Variants in WDR41 observed in about 807,000 individuals in gnomAD.
WDR41 encodes the protein WD repeat domain 41, also known as WD repeat-containing protein 41.
A neutral mutation model predicts 69.3 loss-of-function variants in WDR41; 63 were observed. The observed-to-expected ratio is 0.91, with a 90% CI of 0.74 to 1.12. The LOEUF is 1.12. Ranked by LOEUF, WDR41 falls within the 50% of genes most tolerant of loss-of-function variation. The pLI, the probability that WDR41 is intolerant of heterozygous loss-of-function variation, is 0.00. For synonymous variants in WDR41, 185 were observed against 192.1 expected (o/e 0.96, Z 0.31); for missense variants, 543 against 534.5 (o/e 1.02, Z -0.16).
In WDR41 at chr5:77,463,142, C is replaced by G. The variant is rs530025468; in HGVS notation, c.301G>C (p.Glu101Gln). 6.2e-7 allele frequency: 1 copy of G among 1,612,550 alleles called. No individual in the cohort carries two copies. The highest frequency in any genetic ancestry group is 1.3e-5 in the African/African-American group (1 of 74,932). ...GCTGTCAAGATGAGTTGATTTTTCT[C>G]TTCACAAGATTCCAAGGAAGGAAAT... ...ITFPSLESCE[E>Q]KNQLILTASA... Residue 101 changes from glutamate (E) to glutamine (Q), a missense_variant, in exon 4 of 13, where the codon GAG becomes CAG. Coordinates refer to ENST00000296679, the MANE Select transcript of WDR41 (RefSeq NM_018268.4).
At chr5:77,607,110 C>T (rs1440722758) in intron 1 of WDR41, among the ~76,000 whole-genome samples, 1 of 151,996 alleles carries the variant, frequency 6.6e-6, no homozygotes, top group South Asian at 2.1e-4. Flanking sequence ...GAGCAAAAAA[C>T]AATAAGGCTC....
At chr5:77,437,005 A>T (rs1401422072) in intron 11 of WDR41, among the ~76,000 whole-genome samples, 1 of 152,234 alleles carries the variant, frequency 6.6e-6, no homozygotes, top group African/African-American at 2.4e-5. Flanking sequence ...TTGACATCTG[A>T]CGGTACAAAT....
At chr5:77,480,670 G>A (rs1801189878) in intron 2 of WDR41, among the ~76,000 whole-genome samples, 1 of 145,392 alleles carries the variant, frequency 6.9e-6, no homozygotes, top group South Asian at 2.3e-4. Context: ...TCTGGGGACT[G>A]TTGTAGGGTG....
intron 1 of WDR41, among the ~76,000 whole-genome samples, chr5:77,512,940 A>C (rs1411930828): frequency 6.6e-6 from 1 of 152,180 alleles, no homozygotes; most frequent in Admixed American, 6.5e-5. Flanking sequence ...CTTTTCTCTT[A>C]GGAAGTCTTA....
intron 8 of WDR41, among the ~76,000 whole-genome samples, chr5:77,448,148 G>A (rs1462405132): frequency 6.6e-6 from 1 of 152,042 alleles, no homozygotes; most frequent in Non-Finnish European, 1.5e-5. Flanking sequence ...GTGCTTCACT[G>A]CTAAAACAAA....
chr5:77,599,494 C>G (rs555151432), intron 1 of WDR41, among the ~76,000 whole-genome samples: 2 of 152,208 alleles, frequency 1.3e-5, no homozygotes, highest in South Asian at 4.2e-4. Context: ...GTCACCACAC[C>G]CTGCCTGGAA....
At chr5:77,459,471 A>C (rs1799954851) in intron 4 of WDR41, among the ~76,000 whole-genome samples, 1 of 152,160 alleles carries the variant, frequency 6.6e-6, no homozygotes, top group Non-Finnish European at 1.5e-5. Flanking sequence ...AATAAGCATA[A>C]AGTACTTATA....
rs574591346 is a variant in WDR41 at position 77,434,566 on chromosome 5, G to A, written c.1228-1279C>T. 7.9e-5 allele frequency among the ~76,000 whole-genome samples: 12 copies of A among 152,142 alleles called. No individual in the cohort carries two copies. In the South Asian group the frequency reaches 1.2e-3, roughly 16 times the overall value. ...CTAAAAGTACAAAAATTAGCTGGGC[G>A]TGGTGGCGGGCACCTGTAATCCCAG... On this transcript the variant is annotated intron_variant, in intron 12 of 12. Coordinates refer to ENST00000296679, the MANE Select transcript of WDR41 (RefSeq NM_018268.4).
chr5:77,546,106 CT>C, intron 1 of WDR41: 1 of 517,358 alleles, frequency 1.9e-6, no homozygotes, highest in Non-Finnish European at 3.3e-6. Context: ...GCAAGGCCAC[CT>C]TTGATGCCAT....
Position 77,463,171 on chromosome 5 carries a change from A to T in WDR41, c.272T>A (p.Ile91Asn). Residue 91 changes from isoleucine (I) to asparagine (N), a missense_variant, in exon 4 of 13, where the codon ATT becomes AAT. Coordinates refer to ENST00000296679, the MANE Select transcript of WDR41 (RefSeq NM_018268.4). The part of the protein sequence containing the change: ...NGHTQKITAI[I>N]TFPSLESCEE... ...ACAAGATTCCAAGGAAGGAAATGTA[A>T]TAATAGCTGTTATCTTTTGAGTGTG... 6.2e-7 allele frequency: 1 copy of T among 1,612,846 alleles called. No homozygotes were observed. The highest frequency in any genetic ancestry group is 1.1e-5 in the South Asian group (1 of 90,972).
intron 1 of WDR41, among the ~76,000 whole-genome samples, chr5:77,542,730 G>GA (rs1276512899): frequency 6.6e-6 from 1 of 152,138 alleles, no homozygotes; most frequent in Non-Finnish European, 1.5e-5. Flanking sequence ...CATCTAAATA[G>GA]AAAAAAGAAG....
chr5:77,590,860 A>T (rs1489207388), intron 1 of WDR41, among the ~76,000 whole-genome samples: 1 of 152,154 alleles, frequency 6.6e-6, no homozygotes, highest in Non-Finnish European at 1.5e-5. Context: ...GTTTTGTTAG[A>T]AAGGTTATGC....
Position 77,453,996 on chromosome 5 carries a change from A to T in WDR41, c.412-68T>A, listed in dbSNP as rs966257231. The T allele has an allele frequency of 8.9e-6, 11 of 1,229,848 alleles. No individual in the cohort carries two copies. In the African/African-American group the frequency reaches 1.5e-4, roughly 17 times the overall value. The allele number at this position is 1,229,848 out of a possible 1,614,324, so 76.2% of individuals were successfully genotyped here. On this transcript the variant is annotated intron_variant, in intron 5 of 12. Transcript: ENST00000296679. ...GCAGTCATTGTTCAGTGGTTTAAAA[A>T]TATATCCACAAGTTCTTTAACCCCT...
chr5:77,609,100 G>C (rs1433760513), intron 1 of WDR41, among the ~76,000 whole-genome samples: 1 of 152,214 alleles, frequency 6.6e-6, no homozygotes, highest in African/African-American at 2.4e-5. Flanking sequence ...CGAGGCTGGG[G>C]GAGGGGCACC....
intron 2 of WDR41, among the ~76,000 whole-genome samples, chr5:77,488,102 T>C (rs1801604193): frequency 6.6e-6 from 1 of 152,182 alleles, no homozygotes; most frequent in Middle Eastern, 3.2e-3. Context: ...TAGTGAATTA[T>C]CAGACCTGAG....
Position 77,464,763 on chromosome 5 carries a change from G to A in WDR41, c.214C>T (p.Gln72Ter). Residue 72 changes from glutamine to a stop codon, truncating the protein, a stop_gained and splice_region_variant, in exon 3 of 13, where the codon CAG becomes TAG. Coordinates refer to ENST00000296679, the MANE Select transcript of WDR41 (RefSeq NM_018268.4). LOFTEE classifies it high-confidence loss of function. ...DDGIVVVWNA[Q>*]TGEKLLELNG... ...ATCCACACATAATCAATACACACCT[G>A]GGCATTCCACACAACTACAATTCCA... 2 of 1,613,372 alleles carry A rather than the reference G, an allele frequency of 1.2e-6. No homozygotes were observed. Among genetic ancestry groups the A allele is most frequent in the African/African-American group, 1.3e-5 (1 of 74,886 alleles).
At position 77,517,631 on chromosome 5, in the gene WDR41, C is replaced by CATATAT. The variant is rs34773798; in HGVS notation, c.43-28065_43-28060dup. On this transcript the variant is annotated intron_variant, in intron 1 of 5. Coordinates refer to the WDR41 transcript ENST00000509971. ...TTGACATTTATTCATATTTATTGAA[C>CATATAT]ATATATATATATATATATATATATA... 6.5e-3 allele frequency among the ~76,000 whole-genome samples: 922 copies of CATATAT among 141,156 alleles called. 12 individuals are homozygous for CATATAT. The highest frequency in any genetic ancestry group is 0.02 in the African/African-American group (765 of 37,560). The allele number at this position is 141,156 out of a possible 152,430, so 92.6% of individuals were successfully genotyped here.
intron 2 of WDR41, among the ~76,000 whole-genome samples, chr5:77,475,329 C>T (rs1581743036): frequency 6.6e-6 from 1 of 152,340 alleles, no homozygotes; most frequent in East Asian, 1.9e-4. Flanking sequence ...CTCAAGGAGG[C>T]CTGCCTGCCT....
At chr5:77,460,756 TAAACAA>T (rs1444115047) in intron 4 of WDR41, among the ~76,000 whole-genome samples, 2 of 152,206 alleles carry the variant, frequency 1.3e-5, no homozygotes, top group Admixed American at 1.3e-4. Flanking sequence ...TTTTGTGCGT[TAAACAA>T]AATTTTGACT....
Sources: gnomAD v4.1 joint callset for allele counts (sites outside exome capture counted in the v4.1 genomes callset) on GRCh38, gnomAD v4.1.1 for gene constraint, MANE v1.5 for transcripts, NCBI Gene and HGNC (gene_info 2026-07-23, HGNC 2026-07-21) for gene names.